Variants in PHF6 observed in about 807,000 individuals in gnomAD.
PHF6 encodes PHD finger protein 6.
PHF6 carries 7 observed loss-of-function variants against 34.0 expected under a neutral mutation model. The observed-to-expected ratio is 0.21, with a 90% CI of 0.12 to 0.39. The LOEUF (loss-of-function observed/expected upper bound fraction) is 0.39. Ranked by LOEUF, PHF6 falls within the 10% of genes least tolerant of loss-of-function variation. The probability of loss-of-function intolerance (pLI) is 1.00; values close to 1 mark genes in which losing one functional copy is unlikely to be tolerated. For missense variants in PHF6, 128 were observed against 262.8 expected, an observed-to-expected ratio of 0.49 and a Z score of 3.55; for synonymous variants, 89 against 88.4, an observed-to-expected ratio of 1.01 and a Z score of -0.04.
intron 5 of PHF6, among the ~76,000 whole-genome samples, chrX:134,399,796 T>G (rs1473335423): frequency 9.0e-6 from 1 of 110,783 alleles, no homozygotes; most frequent in Non-Finnish European, 1.9e-5. Context: ...TCACCCAAAG[T>G]CCATAGTTTA....
chrX:134,398,452 G>C (rs1476310745), intron 5 of PHF6, among the ~76,000 whole-genome samples: 4 of 111,643 alleles, frequency 3.6e-5, no homozygotes, highest in Non-Finnish European at 7.5e-5. Context: ...GAATACATGG[G>C]CCACAATGGT....
At chrX:134,415,203 C>G in intron 8 of PHF6, 83 bp downstream of exon 8, 1 of 1,203,928 alleles carries the variant, frequency 8.3e-7, no homozygotes, top group Non-Finnish European at 1.1e-6. Flanking sequence ...TTTATCCAGT[C>G]ATCAGAAAAT....
At chrX:134,405,988 C>G (rs1259680511) in intron 5 of PHF6, among the ~76,000 whole-genome samples, 7 of 110,008 alleles carry the variant, frequency 6.4e-5, no homozygotes, top group Admixed American at 5.9e-4. Flanking sequence ...TCCAGTTTTC[C>G]TTTTGCAGCA....
At chrX:134,386,430 T>A (rs2077331703) in intron 3 of PHF6, among the ~76,000 whole-genome samples, 2 of 108,249 alleles carry the variant, frequency 1.8e-5, no homozygotes, top group East Asian at 5.8e-4. Flanking sequence ...TTTTTTTTTT[T>A]AGACTGAGTC....
At chrX:134,421,025 T>G (rs1348615630) in intron 9 of PHF6, among the ~76,000 whole-genome samples, 1 of 111,937 alleles carries the variant, frequency 8.9e-6, no homozygotes, top group Non-Finnish European at 1.9e-5. Context: ...CAAATCCAAA[T>G]TTTTTGGCAG....
rs1486405769 is a variant in PHF6, at chrX:134,393,551, A to G, written c.291A>G (p.Lys97=). The G allele has an allele frequency of 8.3e-7, 1 of 1,209,708 alleles. No homozygotes were observed. The highest frequency in any genetic ancestry group is 1.7e-5 in the African/African-American group (1 of 57,897). ...CPGATIGCDV[K]TCHRTYHYHC... ...GAGCAACAATTGGTTGTGATGTGAA[A>G]ACATGTCACAGGACATACCACTACC... The change falls in exon 4 of 11, where the codon AAA becomes AAG. Residue 97 remains lysine (K), a synonymous_variant. Coordinates refer to ENST00000370803, the MANE Select transcript of PHF6 (RefSeq NM_001015877.2).
intron 9 of PHF6, among the ~76,000 whole-genome samples, chrX:134,422,371 A>G (rs769224784): frequency 2.7e-5 from 3 of 112,267 alleles, no homozygotes; most frequent in South Asian, 7.3e-4. Context: ...ATGTACTTGG[A>G]TCCATAATGA....
chrX:134,378,046 A>G lies in PHF6; in HGVS notation c.180A>G (p.Glu60=). The change falls in exon 3 of 11, where the codon GAA becomes GAG. Residue 60 remains glutamate, a synonymous_variant. Coordinates refer to ENST00000370803, the MANE Select transcript of PHF6 (RefSeq NM_001015877.2). ...TGGTATCATCACACTCTGATAATGAAAGTCTTGGTGGATTTTCTATTGAAG... is the reference window on the plus strand; with the variant it reads ...TGGTATCATCACACTCTGATAATGAGAGTCTTGGTGGATTTTCTATTGAAG... The part of the protein sequence containing the change: ...SALVSSHSDN[E]SLGGFSIEDV... The G allele has an allele frequency of 1.7e-6, 2 of 1,204,351 alleles. No homozygotes were observed. Among genetic ancestry groups the G allele is most frequent in the Non-Finnish European group, 2.2e-6 (2 of 891,405 alleles).
intron 9 of PHF6, among the ~76,000 whole-genome samples, chrX:134,420,909 C>G (rs982040332): frequency 9.0e-6 from 1 of 111,208 alleles, no homozygotes; most frequent in Non-Finnish European, 1.9e-5. Flanking sequence ...TTACATTTTA[C>G]AAAGGACTGA....
chrX:134,417,576 T>C (rs2077476553), intron 9 of PHF6: 2 of 249,882 alleles, frequency 8.0e-6, no homozygotes, highest in South Asian at 6.4e-5. Flanking sequence ...CTACATACAC[T>C]GGGCCGGGTG....
At chrX:134,384,714 C>T (rs760743654) in intron 3 of PHF6, among the ~76,000 whole-genome samples, 8 of 109,134 alleles carry the variant, frequency 7.3e-5, no homozygotes, top group East Asian at 5.8e-4. Flanking sequence ...TACAGTGGCA[C>T]GATCTCGGCT....
chrX:134,405,813 TATA>T (rs2077420511), intron 5 of PHF6, among the ~76,000 whole-genome samples: 2 of 89,361 alleles, frequency 2.2e-5, no homozygotes, highest in South Asian at 1.1e-3. Flanking sequence ...TGTATATATA[TATA>T]ATATCAAGTA....
chrX:134,413,355 T>C (rs2077458737), intron 5 of PHF6, 136 bp from the exon 6 acceptor site: 1 of 548,348 alleles, frequency 1.8e-6, no homozygotes, highest in Non-Finnish European at 2.9e-6. Context: ...GTGGCTTTAT[T>C]GAACATACCA....
chrX:134,376,052 C>CA (rs1184676193), intron 1 of PHF6, among the ~76,000 whole-genome samples: 2 of 111,939 alleles, frequency 1.8e-5, no homozygotes, highest in Admixed American at 1.9e-4. Context: ...TTAAACCTAT[C>CA]AAAGCAGAGA....
chrX:134,413,943 G>A lies in PHF6; in HGVS notation c.706G>A (p.Ala236Thr), dbSNP rs794727878. The change falls in exon 7 of 11, where the codon GCA becomes ACA. Residue 236 changes from alanine to threonine, a missense_variant. Ala to Thr is a moderately conservative substitution (Grantham distance 58, BLOSUM62 0). Coordinates refer to ENST00000370803, the MANE Select transcript of PHF6 (RefSeq NM_001015877.2). ...ACTGCATATATTTAATGCCAAGAAGGCAGCTGCCCATTATAAGTGCATGGT... is the reference window on the plus strand; with the variant it reads ...ACTGCATATATTTAATGCCAAGAAGACAGCTGCCCATTATAAGTGCATGGT... ...GKLHIFNAKK[A>T]AAHYKCMLFS... 8.3e-7 allele frequency: 1 copy of A among 1,210,340 alleles called. No individual in the cohort carries two copies. Among genetic ancestry groups the A allele is most frequent in the Non-Finnish European group, 1.1e-6 (1 of 894,603 alleles).
intron 3 of PHF6, among the ~76,000 whole-genome samples, chrX:134,389,619 C>T (rs1180818505): frequency 9.0e-6 from 1 of 111,553 alleles, no homozygotes; most frequent in African/African-American, 3.3e-5. Flanking sequence ...ATTTTTTAAG[C>T]TGGACTAGCC....
intron 5 of PHF6, among the ~76,000 whole-genome samples, chrX:134,404,577 T>A (rs926500088): frequency 1.8e-5 from 2 of 112,344 alleles, no homozygotes; most frequent in African/African-American, 6.5e-5. Context: ...TCATTCTAAT[T>A]TTGAAAGAAG....
intron 5 of PHF6, among the ~76,000 whole-genome samples, chrX:134,405,804 GTA>G (rs766854642): frequency 3.4e-5 from 3 of 88,205 alleles, no homozygotes; most frequent in Non-Finnish European, 4.2e-5. Context: ...GCATGTGTAT[GTA>G]TATATATATA....
At chrX:134,400,074 C>G (rs2077396767) in intron 5 of PHF6, among the ~76,000 whole-genome samples, 1 of 110,803 alleles carries the variant, frequency 9.0e-6, no homozygotes, top group Non-Finnish European at 1.9e-5. Flanking sequence ...ACTTAATTGC[C>G]TTTTATTTTT....
Sources: gnomAD v4.1 joint callset for allele counts (sites outside exome capture counted in the v4.1 genomes callset) on GRCh38, gnomAD v4.1.1 for gene constraint, MANE v1.5 for transcripts, NCBI Gene and HGNC (gene_info 2026-07-23, HGNC 2026-07-21) for gene names.